CCT3: variants seen among roughly 807,000 people sequenced by gnomAD.
CCT3 encodes the protein chaperonin containing TCP1 subunit 3, also known as T-complex protein 1 subunit gamma.
Under a neutral mutation model 65.3 loss-of-function variants are expected in CCT3, and 10 were observed. That is an observed-to-expected ratio of 0.15 (90% CI 0.09 to 0.26). The LOEUF (loss-of-function observed/expected upper bound fraction) is 0.26. CCT3 is among the 10% of genes least tolerant of loss of function. The pLI is 1.00. For synonymous variants in CCT3, 225 were observed against 242.3 expected, an observed-to-expected ratio of 0.93 and a Z score of 0.66; for missense variants, 626 against 708.7, an observed-to-expected ratio of 0.88 and a Z score of 1.33.
intron 5 of CCT3, among the ~76,000 whole-genome samples, chr1:156,326,596 GC>G (rs1287925983): frequency 7.3e-6 from 1 of 137,012 alleles, no homozygotes; most frequent in Non-Finnish European, 1.5e-5. Context: ...GTTGTGGTGA[GC>G]CAAGATCGTG....
chr1:156,325,795 C>T (rs557796730), intron 5 of CCT3, among the ~76,000 whole-genome samples: 60 of 152,044 alleles, frequency 3.9e-4, no homozygotes, highest in East Asian at 3.3e-3. Flanking sequence ...GTTGGCCAGG[C>T]TGGTCTCGAA....
At chr1:156,311,989 CAAG>C in intron 11 of CCT3, 49 bp downstream of exon 11, 1 of 1,460,430 alleles carries the variant, frequency 6.8e-7, no homozygotes, top group Non-Finnish European at 9.2e-7. Context: ...GGGAAACTCT[CAAG>C]AAGTTCAGTG....
intron 6 of CCT3, among the ~76,000 whole-genome samples, chr1:156,323,815 T>C (rs1664680140): frequency 6.6e-6 from 1 of 151,398 alleles, no homozygotes; most frequent in Non-Finnish European, 1.5e-5. Context: ...CAGGCTGGAG[T>C]GCAATGGTGC....
intron 10 of CCT3, 52 bp from the exon 11 acceptor site, chr1:156,312,273 C>A (rs548417692): frequency 3.2e-6 from 5 of 1,560,568 alleles, no homozygotes; most frequent in Non-Finnish European, 4.4e-6. Context: ...TACTTGTACC[C>A]ATTTCCCTAG....
At chr1:156,322,622 C>A (rs1041284615) in intron 6 of CCT3, among the ~76,000 whole-genome samples, 2 of 151,174 alleles carry the variant, frequency 1.3e-5, no homozygotes, top group African/African-American at 2.4e-5. Context: ...CCTTGGGAGG[C>A]CGAGGCAGGC....
rs761754357 is a variant in CCT3, at chr1:156,335,904, A to C, written c.32-16T>G. ...GTGTTCTGGCCTAAAATAGACAAAA[A>C]CACAAGTCAACAGCCCAGGACTGCC... On this transcript the variant is annotated splice_polypyrimidine_tract_variant and intron_variant, in intron 1 of 13. Transcript: ENST00000295688. 6.2e-7 allele frequency: 1 copy of C among 1,610,528 alleles called. No homozygotes were observed. The highest frequency in any genetic ancestry group is 2.2e-5 in the East Asian group (1 of 44,852).
At chr1:156,326,136 C>A (rs1558270307) in intron 5 of CCT3, among the ~76,000 whole-genome samples, 1 of 151,852 alleles carries the variant, frequency 6.6e-6, no homozygotes, top group Admixed American at 6.6e-5. Context: ...AATTTTTAGA[C>A]CAGCCTGAGA....
At chr1:156,311,616 T>C (rs201001056) in intron 11 of CCT3, among the ~76,000 whole-genome samples, 1 of 152,174 alleles carries the variant, frequency 6.6e-6, no homozygotes, top group South Asian at 2.1e-4. Flanking sequence ...TTACTAGCTA[T>C]GTGCCTTTGG....
rs1175093498 is a variant in CCT3 at position 156,309,082 on chromosome 1, GC to G, written c.*116del. The G allele has an allele frequency of 2.8e-6, 2 of 703,188 alleles. No individual in the cohort carries two copies. The highest frequency in any genetic ancestry group is 5.1e-6 in the Non-Finnish European group (2 of 395,434). The allele number at this position is 703,188 out of a possible 1,614,324, so 43.6% of individuals were successfully genotyped here. On this transcript the variant is annotated 3_prime_UTR_variant, in exon 14 of 14. Transcript: ENST00000295688. ...GAGCTGGGACAGAAAGGGACTGGGG[GC>G]TGCCCCCCAACCTGATCCCTTCTGA... is the stretch of plus-strand genomic sequence containing the variant.
At position 156,309,107 on chromosome 1, in the gene CCT3, GAACA is replaced by G; in HGVS notation, c.*88_*91del. 1.1e-6 allele frequency: 1 copy of G among 890,282 alleles called. No individual in the cohort carries two copies. Among genetic ancestry groups the G allele is most frequent in the Non-Finnish European group, 1.9e-6 (1 of 534,228 alleles). 55.1% of individuals were successfully genotyped at this position (890,282 alleles called of 1,614,324 possible). Reference sequence around the variant, plus strand: ...GCTGCCCCCCAACCTGATCCCTTCTGAACAAAGACGTCCACAGTGTTCCTGGCAC... The same window carrying G: ...GCTGCCCCCCAACCTGATCCCTTCTGAAGACGTCCACAGTGTTCCTGGCAC... On this transcript the variant is annotated 3_prime_UTR_variant, in exon 14 of 14. Coordinates refer to ENST00000295688, the MANE Select transcript of CCT3 (RefSeq NM_005998.5).
At chr1:156,332,921 T>C (rs942366715) in intron 5 of CCT3, 3 of 154,462 alleles carry the variant, frequency 1.9e-5, no homozygotes, top group African/African-American at 7.2e-5. Flanking sequence ...TATCAGTTGA[T>C]GAAAGTGTGA....
chr1:156,331,831 C>T (rs747395192), intron 5 of CCT3, among the ~76,000 whole-genome samples: 4 of 151,540 alleles, frequency 2.6e-5, no homozygotes, highest in Admixed American at 6.6e-5. Context: ...GTCGGGAGTT[C>T]GACACCAGCC....
intron 2 of CCT3, 24 bp from the exon 3 acceptor site, chr1:156,334,942 A>G (rs1665271744): frequency 6.2e-7 from 1 of 1,610,566 alleles, no homozygotes; most frequent in Non-Finnish European, 8.5e-7. Context: ...AACATAAAAT[A>G]CGCAAGCACA....
At chr1:156,313,612 T>G (rs1395759843) in intron 10 of CCT3, among the ~76,000 whole-genome samples, 3 of 152,216 alleles carry the variant, frequency 2.0e-5, no homozygotes, top group Non-Finnish European at 4.4e-5. Context: ...CTTCCATCGA[T>G]GCTTTGTCCT....
intron 5 of CCT3, 140 bp downstream of exon 5, chr1:156,333,407 C>T (rs1323274403): frequency 1.6e-6 from 1 of 631,208 alleles, no homozygotes; most frequent in Non-Finnish European, 2.8e-6. Flanking sequence ...TTATACCCAA[C>T]TGGAGAGAAT....
intron 8 of CCT3, 81 bp from the exon 9 acceptor site, chr1:156,317,628 C>T (rs1001377129): frequency 1.6e-6 from 2 of 1,285,382 alleles, no homozygotes; most frequent in African/African-American, 3.0e-5. Context: ...TCCTTCCACC[C>T]ACCTCTCCCA....
intron 5 of CCT3, among the ~76,000 whole-genome samples, chr1:156,330,590 A>C (rs745611971): frequency 6.6e-6 from 1 of 152,164 alleles, no homozygotes; most frequent in Non-Finnish European, 1.5e-5. Flanking sequence ...CGAGCCCAGG[A>C]GGCAGAGGTT....
intron 6 of CCT3, among the ~76,000 whole-genome samples, chr1:156,322,109 G>A (rs1664581183): frequency 6.6e-6 from 1 of 152,158 alleles, no homozygotes; most frequent in Non-Finnish European, 1.5e-5. Context: ...GGGCGTGGTG[G>A]ACATACCTAT....
At position 156,330,907 on chromosome 1, in the gene CCT3, G is replaced by A. The variant is rs116822844; in HGVS notation, c.304+2640C>T. ...CCAGCCTGGGCGACTCTGTCTCAAA[G>A]ATAAATAAATAAATAAATATAATTT... is the stretch of plus-strand genomic sequence containing the variant. On this transcript the variant is annotated intron_variant, in intron 5 of 13. Transcript: ENST00000295688. Among the ~76,000 whole-genome samples, 983 of 151,402 alleles carry A rather than the reference G, an allele frequency of 6.5e-3. 8 individuals carry two copies. Among genetic ancestry groups the A allele is most frequent in the Middle Eastern group, 0.021 (6 of 286 alleles).
Sources: allele counts gnomAD v4.1 joint callset (sites outside exome capture counted in the v4.1 genomes callset), GRCh38; gene constraint gnomAD v4.1.1; transcripts MANE v1.5; gene names NCBI Gene and HGNC (gene_info 2026-07-23, HGNC 2026-07-21).